The following STARD13 variants were observed in gnomAD, a reference collection of about 807,000 sequenced individuals.
STARD13 encodes stAR-related lipid transfer protein 13.
STARD13 carries 62 observed loss-of-function variants against 106.4 expected under a neutral mutation model. That is an observed-to-expected ratio of 0.58 (90% CI 0.48 to 0.72). The LOEUF (loss-of-function observed/expected upper bound fraction) is 0.72. STARD13 is among the 30% of genes least tolerant of loss of function. The pLI is 0.00. For missense variants in STARD13, 1,387 were observed against 1,424.0 expected, an observed-to-expected ratio of 0.97 and a Z score of 0.42; for synonymous variants, 565 against 553.0, an observed-to-expected ratio of 1.02 and a Z score of -0.31.
the STARD13 span, among the ~76,000 whole-genome samples, chr13:33,369,609 T>G: frequency 1.3e-5 from 2 of 152,248 alleles, no homozygotes; most frequent in African/African-American, 2.4e-5. Context: ...TCTAATCAAA[T>G]GTCACTTGTT....
At chr13:33,257,347 G>A (rs754852806) in intron 1 of STARD13, among the ~76,000 whole-genome samples, 1 of 152,184 alleles carries the variant, frequency 6.6e-6, no homozygotes, top group Non-Finnish European at 1.5e-5. Flanking sequence ...TGAGGTCAAG[G>A]CAAGAAGACA....
chr13:33,167,984 T>C (rs747021944), intron 1 of STARD13, among the ~76,000 whole-genome samples: 25,710 of 144,916 alleles, frequency 0.18, 3,240 homozygotes, highest in African/African-American at 0.39. Context: ...ACAATTCTTT[T>C]TTTTTTTAAT....
chr13:33,464,197 C>T, the STARD13 span, among the ~76,000 whole-genome samples: 1 of 151,718 alleles, frequency 6.6e-6, no homozygotes, highest in South Asian at 2.1e-4. Context: ...TGAAACAAAA[C>T]TAGTCATGTG....
the STARD13 span, among the ~76,000 whole-genome samples, chr13:33,556,943 G>T: frequency 6.6e-6 from 1 of 152,106 alleles, no homozygotes; most frequent in Admixed American, 6.6e-5. Context: ...TTGTAGAGAT[G>T]AGGTTTAGTC....
At chr13:33,462,353 C>T in the STARD13 span, among the ~76,000 whole-genome samples, 1 of 152,196 alleles carries the variant, frequency 6.6e-6, no homozygotes. Context: ...AGATCATATA[C>T]CACATTATTA....
rs545731659 is a variant in STARD13 at position 33,267,747 on chromosome 13, T to C, written c.169+17723A>G. ...TGTTTTGAGTTTGGCAAAACGTAGT[T>C]AGATTAGAAGACTTAAAAGGCTGTC... On this transcript the variant is annotated intron_variant, in intron 1 of 13. Coordinates refer to ENST00000336934, the MANE Select transcript of STARD13 (RefSeq NM_178006.4). Among the ~76,000 whole-genome samples the C allele has an allele frequency of 3.3e-4, 51 of 152,316 alleles. No homozygotes were observed. In the South Asian group the frequency reaches 7.5e-3, roughly 22 times the overall value.
At chr13:33,125,965 T>G in intron 7 of STARD13, 116 bp downstream of exon 7, 1 of 1,108,798 alleles carries the variant, frequency 9.0e-7, no homozygotes, top group Non-Finnish European at 1.3e-6. Context: ...TGCCTTTTAT[T>G]TTTGGTGAGG....
the STARD13 span, among the ~76,000 whole-genome samples, chr13:33,494,692 C>T: frequency 1.3e-5 from 2 of 151,624 alleles, no homozygotes; most frequent in Non-Finnish European, 2.9e-5. Flanking sequence ...ATGGAGGCTT[C>T]AGGAAAATAG....
chr13:33,230,382 G>A (rs1888854667), intron 1 of STARD13, among the ~76,000 whole-genome samples: 1 of 152,166 alleles, frequency 6.6e-6, no homozygotes, highest in Non-Finnish European at 1.5e-5. Flanking sequence ...GTAGAAATAG[G>A]GAGAATACTC....
intron 3 of STARD13, among the ~76,000 whole-genome samples, chr13:33,155,868 G>A (rs1342451114): frequency 6.6e-6 from 1 of 152,102 alleles, no homozygotes; most frequent in Non-Finnish European, 1.5e-5. Context: ...ACTTCCTAGT[G>A]GAAAGGAATG....
chr13:33,530,543 C>T, the STARD13 span, among the ~76,000 whole-genome samples: 20 of 152,096 alleles, frequency 1.3e-4, no homozygotes, highest in Admixed American at 1.3e-3. Flanking sequence ...CAAGAGTTTT[C>T]CCAATCTGAA....
At chr13:33,592,983 G>A in the STARD13 span, among the ~76,000 whole-genome samples, 1 of 152,020 alleles carries the variant, frequency 6.6e-6, no homozygotes, top group African/African-American at 2.4e-5. Flanking sequence ...AAGACCACTT[G>A]GATGCAGGAA....
chr13:33,467,540 G>T, the STARD13 span, among the ~76,000 whole-genome samples: 2 of 152,250 alleles, frequency 1.3e-5, no homozygotes, highest in East Asian at 3.9e-4. Context: ...GGGACCTCTG[G>T]TCTAAGCACA....
At chr13:33,360,962 A>T in the STARD13 span, among the ~76,000 whole-genome samples, 1 of 115,954 alleles carries the variant, frequency 8.6e-6, no homozygotes, top group African/African-American at 3.2e-5. Flanking sequence ...CGCCCGGCTA[A>T]TTTTTTTTTT....
the STARD13 span, among the ~76,000 whole-genome samples, chr13:33,431,909 C>G: frequency 6.6e-6 from 1 of 152,170 alleles, no homozygotes; most frequent in Non-Finnish European, 1.5e-5. Context: ...ATGACGGAAC[C>G]ATTACAAAGT....
At chr13:33,358,182 G>C in the STARD13 span, among the ~76,000 whole-genome samples, 2 of 151,870 alleles carry the variant, frequency 1.3e-5, no homozygotes, top group South Asian at 4.2e-4. Flanking sequence ...CCAGTGCTGC[G>C]CTCGATTTCT....
the STARD13 span, chr13:33,524,319 A>G: frequency 2.7e-5 from 33 of 1,244,948 alleles, no homozygotes; most frequent in Middle Eastern, 2.2e-4. Flanking sequence ...TAGTTCTACA[A>G]ATTCCTTTCT....
intron 1 of STARD13, among the ~76,000 whole-genome samples, chr13:33,316,031 A>T (rs1345250393): frequency 6.6e-6 from 1 of 152,172 alleles, no homozygotes; most frequent in Non-Finnish European, 1.5e-5. Context: ...AGATCTATGG[A>T]AGCATTGAGC....
At chr13:33,485,442 A>T in the STARD13 span, among the ~76,000 whole-genome samples, 39 of 152,320 alleles carry the variant, frequency 2.6e-4, no homozygotes, top group South Asian at 7.7e-3. Context: ...ACTTAAAAAA[A>T]AATGCTTTGT....
Sources: allele counts gnomAD v4.1 joint callset (sites outside exome capture counted in the v4.1 genomes callset), GRCh38; gene constraint gnomAD v4.1.1; transcripts MANE v1.5; gene names NCBI Gene and HGNC (gene_info 2026-07-23, HGNC 2026-07-21).